Variants in RGS6 observed in about 807,000 individuals in gnomAD.
The protein encoded by RGS6 is regulator of G-protein signaling 6.
Under a neutral mutation model 78.5 loss-of-function variants are expected in RGS6, and 30 were observed. The ratio of observed to expected loss-of-function variants is 0.38; its 90% confidence interval spans 0.29 to 0.52. RGS6 has a LOEUF of 0.52. Among genes scored for constraint, RGS6 ranks in the 20% least tolerant of loss-of-function variants. RGS6 has a pLI of 0.85. For missense variants in RGS6, 495 were observed against 609.7 expected, an observed-to-expected ratio of 0.81 and a Z score of 1.98; for synonymous variants, 206 against 206.0, an observed-to-expected ratio of 1.00 and a Z score of 0.00.
intron 2 of RGS6, among the ~76,000 whole-genome samples, chr14:72,154,640 C>A (rs913591757): frequency 6.6e-6 from 1 of 152,170 alleles, no homozygotes; most frequent in Non-Finnish European, 1.5e-5. Flanking sequence ...ACTTTGGCCA[C>A]GGCATCAGGC....
At chr14:72,251,295 C>T (rs2055702513) in intron 2 of RGS6, among the ~76,000 whole-genome samples, 1 of 152,172 alleles carries the variant, frequency 6.6e-6, no homozygotes, top group Admixed American at 6.5e-5. Flanking sequence ...ATTTTGCTTT[C>T]TTCTCTTCTC....
intron 2 of RGS6, among the ~76,000 whole-genome samples, chr14:72,241,379 A>G (rs2052779710): frequency 6.6e-6 from 1 of 152,230 alleles, no homozygotes; most frequent in Admixed American, 6.5e-5. Flanking sequence ...CCAGCTCTCC[A>G]GACAATAGTT....
At chr14:72,577,765 A>C in the RGS6 span, among the ~76,000 whole-genome samples, 1 of 152,208 alleles carries the variant, frequency 6.6e-6, no homozygotes, top group Non-Finnish European at 1.5e-5. Flanking sequence ...CCACTTCTTC[A>C]TGCCATTGAG....
At chr14:71,914,926 G>C in the RGS6 span, among the ~76,000 whole-genome samples, 2 of 151,802 alleles carry the variant, frequency 1.3e-5, no homozygotes, top group African/African-American at 4.8e-5. Context: ...TGAATGTGAT[G>C]AACAGATGTG....
intron 3 of RGS6, among the ~76,000 whole-genome samples, chr14:72,376,247 G>A (rs1385856230): frequency 1.3e-5 from 2 of 152,070 alleles, no homozygotes; most frequent in Non-Finnish European, 2.9e-5. Flanking sequence ...CACCAGACTA[G>A]ACCAAGCAGA....
chr14:71,919,906 A>C, the RGS6 span, among the ~76,000 whole-genome samples: 1 of 152,300 alleles, frequency 6.6e-6, no homozygotes, highest in South Asian at 2.1e-4. Flanking sequence ...AGGCAGGAGA[A>C]TCATTTGAAC....
intron 2 of RGS6, among the ~76,000 whole-genome samples, chr14:72,329,039 T>C (rs1340000397): frequency 2.0e-5 from 3 of 152,116 alleles, no homozygotes; most frequent in Non-Finnish European, 4.4e-5. Context: ...ACCTGGCTAA[T>C]TTTTTATATT....
chr14:72,359,379 G>T (rs773585913), intron 3 of RGS6, among the ~76,000 whole-genome samples: 3 of 150,878 alleles, frequency 2.0e-5, no homozygotes, highest in Admixed American at 6.6e-5. Context: ...GGTGCCAGGG[G>T]TTGGGGTGGG....
At chr14:72,326,418 T>C (rs1032252317) in intron 2 of RGS6, among the ~76,000 whole-genome samples, 3 of 152,172 alleles carry the variant, frequency 2.0e-5, no homozygotes, top group Non-Finnish European at 4.4e-5. Flanking sequence ...ATTCCCAGTG[T>C]TGGAGGTGTT....
chr14:72,025,354 G>C lies in RGS6; in HGVS notation c.84+60479G>C, dbSNP rs551644158. On this transcript the variant is annotated intron_variant, in intron 2 of 17. Transcript: ENST00000553525. Reference sequence around the variant, plus strand: ...TGGTAGGTCACAATTAATTATACAGGGTTAACAAAAATAGATTAACATAAT... The same window carrying C: ...TGGTAGGTCACAATTAATTATACAGCGTTAACAAAAATAGATTAACATAAT... Among the ~76,000 whole-genome samples, 4 of 151,844 alleles carry C rather than the reference G, an allele frequency of 2.6e-5. No homozygotes were observed. In the South Asian group the frequency reaches 8.4e-4, roughly 32 times the overall value.
intron 3 of RGS6, among the ~76,000 whole-genome samples, chr14:72,452,158 A>G (rs1300085671): frequency 1.3e-5 from 2 of 152,172 alleles, no homozygotes; most frequent in Non-Finnish European, 1.5e-5. Flanking sequence ...TTCCTGGGAC[A>G]AATGTTGAAC....
chr14:72,554,033 C>T (rs1395394606), intron 17 of RGS6, among the ~76,000 whole-genome samples: 1 of 152,242 alleles, frequency 6.6e-6, no homozygotes, highest in South Asian at 2.1e-4. Flanking sequence ...AGTCTGTTCC[C>T]TGGTGTACTT....
chr14:72,072,993 G>GGT (rs1400406940), intron 2 of RGS6, among the ~76,000 whole-genome samples: 2 of 152,184 alleles, frequency 1.3e-5, no homozygotes, highest in African/African-American at 4.8e-5. Flanking sequence ...AATTTCTCCA[G>GGT]GTGATCTAAT....
upstream of RGS6, among the ~76,000 whole-genome samples, chr14:71,930,887 G>A (rs2087809134): frequency 6.8e-6 from 1 of 146,914 alleles, no homozygotes; most frequent in Non-Finnish European, 1.5e-5. Context: ...TGAGGCAGGA[G>A]AATCGCTTGA....
At chr14:72,420,948 A>G (rs2094142504) in intron 3 of RGS6, 1 of 152,166 alleles carries the variant, frequency 6.6e-6, no homozygotes, top group Non-Finnish European at 1.5e-5. Context: ...CTTCGTGGTG[A>G]TAATGTGAAC....
intron 3 of RGS6, among the ~76,000 whole-genome samples, chr14:72,413,820 A>G (rs1030042147): frequency 2.0e-5 from 3 of 152,030 alleles, no homozygotes; most frequent in South Asian, 2.1e-4. Flanking sequence ...TTTCTCCTTC[A>G]CTTATGAAGC....
the RGS6 span, among the ~76,000 whole-genome samples, chr14:72,614,777 G>GA: frequency 1.1e-3 from 104 of 96,016 alleles, 2 homozygotes; most frequent in Admixed American, 1.9e-3. Context: ...ACAAGCCTCA[G>GA]AAAAAAAAAA....
chr14:71,926,747 GT>G, the RGS6 span, among the ~76,000 whole-genome samples: 1 of 152,208 alleles, frequency 6.6e-6, no homozygotes, highest in South Asian at 2.1e-4. Flanking sequence ...GCTTTCTCTT[GT>G]TTTACAGGGT....
At chr14:72,499,183 C>A (rs1487331445) in intron 13 of RGS6, among the ~76,000 whole-genome samples, 4 of 152,244 alleles carry the variant, frequency 2.6e-5, no homozygotes, top group Non-Finnish European at 5.9e-5. Context: ...CCACTTGGAT[C>A]TGCGAAAGCC....
Sources: allele counts gnomAD v4.1 joint callset (sites outside exome capture counted in the v4.1 genomes callset), GRCh38; gene constraint gnomAD v4.1.1; transcripts MANE v1.5; gene names NCBI Gene and HGNC (gene_info 2026-07-23, HGNC 2026-07-21).